The following IL4R variants were observed in gnomAD, a reference collection of about 807,000 sequenced individuals.
IL4R encodes the protein interleukin-4 receptor subunit alpha.
In IL4R, 17 loss-of-function variants were observed where a neutral mutation model predicts 41.5. The ratio of observed to expected loss-of-function variants is 0.41; its 90% CI spans 0.28 to 0.61. IL4R has a LOEUF of 0.61. Ranked by LOEUF, IL4R falls within the 20% of genes least tolerant of loss-of-function variation. The probability of loss-of-function intolerance (pLI) is 0.31; values close to 1 mark genes in which losing one functional copy is unlikely to be tolerated. For synonymous variants in IL4R, 402 were observed against 422.9 expected, an observed-to-expected ratio of 0.95 and a Z score of 0.61; for missense variants, 974 against 1,043.1, an observed-to-expected ratio of 0.93 and a Z score of 0.91.
intron 2 of IL4R, among the ~76,000 whole-genome samples, chr16:27,333,199 CTTTT>C (rs60009498): frequency 7.0e-6 from 1 of 142,918 alleles, no homozygotes; most frequent in Admixed American, 7.1e-5. Flanking sequence ...TCGGGTGACT[CTTTT>C]TTTTTTTTTA....
In IL4R at chr16:27,324,316, C is replaced by T. The variant is rs375815534; in HGVS notation, c.-151-5750C>T. 4.3e-4 allele frequency among the ~76,000 whole-genome samples: 65 copies of T among 152,316 alleles called. No homozygotes were observed. The South Asian group carries it at 0.013, about 31-fold the overall frequency. On this transcript the variant is annotated intron_variant, in intron 1 of 10. Transcript: ENST00000395762. The stretch of plus-strand genomic sequence containing the variant: ...GCCTGCATTAGGACATTTAAGGGGA[C>T]TCCAAGCCAGGATTTGCTAGTGTTT...
intron 1 of IL4R, among the ~76,000 whole-genome samples, chr16:27,320,347 T>C (rs1024836898): frequency 6.6e-6 from 1 of 152,244 alleles, no homozygotes; most frequent in African/African-American, 2.4e-5. Flanking sequence ...AGAAATAAAG[T>C]ACGTAATACA....
intron 7 of IL4R, chr16:27,355,376 A>G: frequency 3.5e-6 from 1 of 286,756 alleles, no homozygotes; most frequent in Non-Finnish European, 7.0e-6. Flanking sequence ...TGAGTGCATT[A>G]TCTATTGATT....
At chr16:27,332,235 C>T (rs2085130954) in intron 2 of IL4R, among the ~76,000 whole-genome samples, 1 of 152,086 alleles carries the variant, frequency 6.6e-6, no homozygotes, top group Admixed American at 6.6e-5. Context: ...AGGTTTGACT[C>T]ACAGTTCTGC....
At chr16:27,341,944 C>T (rs1051521632) in intron 3 of IL4R, 177 bp from the exon 4 acceptor site, 5 of 619,518 alleles carry the variant, frequency 8.1e-6, no homozygotes, top group African/African-American at 5.5e-5. Flanking sequence ...CCACAGTCAT[C>T]CCGACACTAG....
At chr16:27,353,352 TA>T (rs1462818657) in intron 7 of IL4R, among the ~76,000 whole-genome samples, 9 of 152,088 alleles carry the variant, frequency 5.9e-5, no homozygotes. Context: ...TGAAATAAAA[TA>T]AAATAAATAG....
In IL4R at chr16:27,363,773, G is replaced by C; in HGVS notation, c.2421G>C (p.Gln807His). 6.2e-7 allele frequency: 1 copy of C among 1,611,434 alleles called. No individual in the cohort carries two copies. Among genetic ancestry groups the C allele is most frequent in the Non-Finnish European group, 8.5e-7 (1 of 1,180,024 alleles). ...CTGGCAATGCTCAGAGCTCAAGCCA[G>C]ACCCCCAAAATCGTGAACTTTGTCT... Reference protein sequence around the residue: ...PAPGNAQSSSQTPKIVNFVSV... With the variant: ...PAPGNAQSSSHTPKIVNFVSV... The change falls in exon 11 of 11, where the codon CAG becomes CAC. Residue 807 changes from glutamine (Q) to histidine (H), a missense_variant. Around this residue, in one of 3 missense-constraint regions of IL4R, gnomAD observed 682 missense variants for 704.3 expected, o/e 0.97. Transcript: ENST00000395762.
chr16:27,314,028 C>T lies in IL4R; in HGVS notation c.-152+8C>T. The T allele has an allele frequency of 1.0e-6, 1 of 984,820 alleles. No homozygotes were observed. The highest frequency in any genetic ancestry group is 1.2e-6 in the Non-Finnish European group (1 of 829,728). 61.0% of individuals were successfully genotyped at this position (984,820 alleles called of 1,614,324 possible). ...TGGAGCAGGGGCGCGCAGGTAGGAT[C>T]CGGGGCCCGCGCGCGGATCGGGTTG... On this transcript the variant is annotated splice_region_variant and intron_variant, in intron 1 of 10. Coordinates refer to ENST00000395762, the MANE Select transcript of IL4R (RefSeq NM_000418.4).
chr16:27,323,474 A>G (rs1166348996), intron 1 of IL4R, among the ~76,000 whole-genome samples: 3 of 152,068 alleles, frequency 2.0e-5, no homozygotes, highest in Non-Finnish European at 2.9e-5. Context: ...TGTGCTGTGC[A>G]CTCCAGAGCC....
intron 1 of IL4R, among the ~76,000 whole-genome samples, chr16:27,319,934 A>G (rs2141054724): frequency 6.6e-6 from 1 of 151,852 alleles, no homozygotes. Flanking sequence ...CAATGGTGCG[A>G]TCTTGGCTCA....
rs114297780 is a variant in IL4R, at chr16:27,329,899, T to A, written c.-151-167T>A. ...GGGGTCAGAGAAGGCTTCTGAAGTG[T>A]TTCTGGTGCAAATGCTTGGAAAAGG... On this transcript the variant is annotated intron_variant, in intron 1 of 10. Coordinates refer to ENST00000395762, the MANE Select transcript of IL4R (RefSeq NM_000418.4). Among the ~76,000 whole-genome samples the A allele has an allele frequency of 2.4e-3, 360 of 152,006 alleles. 4 individuals are homozygous for A. Among genetic ancestry groups the A allele is most frequent in the Middle Eastern group, 0.01 (3 of 294 alleles).
At chr16:27,355,931 C>T (rs774931303) in intron 8 of IL4R, 24 bp downstream of exon 8, 106 of 1,544,814 alleles carry the variant, frequency 6.9e-5, no homozygotes, top group East Asian at 1.1e-4. Context: ...CCAGTGCTGC[C>T]GAGCAGTCCC....
At position 27,362,447 on chromosome 16, in the gene IL4R, T is replaced by C; in HGVS notation, c.1095T>C (p.Phe365=). The C allele has an allele frequency of 1.2e-6, 2 of 1,614,036 alleles. No homozygotes were observed. Among genetic ancestry groups the C allele is most frequent in the Non-Finnish European group, 1.7e-6 (2 of 1,180,012 alleles). Residue 365 remains phenylalanine (F), a synonymous_variant, in exon 11 of 11, where the codon TTT becomes TTC. Coordinates refer to ENST00000395762, the MANE Select transcript of IL4R (RefSeq NM_000418.4). ...SISVVRCVEL[F]EAPVECEEEE... Reference sequence around the variant, plus strand: ...GCGTGGTGCGATGTGTGGAGTTGTTTGAGGCCCCGGTGGAGTGTGAGGAGG... The same window carrying C: ...GCGTGGTGCGATGTGTGGAGTTGTTCGAGGCCCCGGTGGAGTGTGAGGAGG...
intron 6 of IL4R, among the ~76,000 whole-genome samples, chr16:27,352,138 G>T (rs545983483): frequency 1.3e-5 from 2 of 152,148 alleles, no homozygotes; most frequent in African/African-American, 4.8e-5. Flanking sequence ...ACAACCCTGC[G>T]GGAAGGGAGA....
chr16:27,329,088 A>G (rs1377374861), intron 1 of IL4R, among the ~76,000 whole-genome samples: 1 of 152,070 alleles, frequency 6.6e-6, no homozygotes, highest in Non-Finnish European at 1.5e-5. Flanking sequence ...TCCTTGCCAT[A>G]GTGAGTGAGT....
chr16:27,346,201 G>A (rs1400743733), intron 5 of IL4R, among the ~76,000 whole-genome samples: 2 of 152,132 alleles, frequency 1.3e-5, no homozygotes, highest in Non-Finnish European at 1.5e-5. Flanking sequence ...CTCCAGCCTG[G>A]GCAACAGAGT....
Position 27,362,925 on chromosome 16 carries a change from G to A in IL4R, c.1573G>A (p.Glu525Lys). The part of the protein sequence containing the change: ...PDPLLARHLE[E>K]VEPEMPCVPQ... ...CCCACTGCTGGCCAGACACCTGGAG[G>A]AAGTAGAACCCGAGATGCCCTGTGT... The change falls in exon 11 of 11, where the codon GAA (glutamate) becomes AAA (lysine). Residue 525 changes from glutamate to lysine, a missense_variant. By Grantham distance (56) the Glu-to-Lys change is moderately conservative (BLOSUM62 1). Coordinates refer to ENST00000395762, the MANE Select transcript of IL4R (RefSeq NM_000418.4). 1.2e-6 allele frequency: 2 copies of A among 1,614,172 alleles called. No homozygotes were observed. Among genetic ancestry groups the A allele is most frequent in the Non-Finnish European group, 8.5e-7 (1 of 1,180,040 alleles).
chr16:27,346,439 C>G (rs754636978), intron 5 of IL4R, 28 bp from the exon 6 acceptor site: 44 of 1,613,248 alleles, frequency 2.7e-5, no homozygotes, highest in Non-Finnish European at 3.6e-5. Flanking sequence ...CTGCATAGAT[C>G]CTCACATAGA....
intron 10 of IL4R, chr16:27,361,146 C>CT (rs1366445340): frequency 1.9e-4 from 139 of 713,642 alleles, no homozygotes; most frequent in South Asian, 1.1e-3. Flanking sequence ...CACTCCCCTC[C>CT]TTTTTTTTAA....
Sources: gnomAD v4.1 joint callset for allele counts (sites outside exome capture counted in the v4.1 genomes callset) on GRCh38, gnomAD v4.1.1 for gene constraint, gnomAD v4.1.1 regional missense constraint, MANE v1.5 for transcripts, NCBI Gene and HGNC (gene_info 2026-07-23, HGNC 2026-07-21) for gene names.